Variants in NEK10 observed in about 807,000 individuals in gnomAD.
NEK10 encodes the protein NIMA related kinase 10.
Under a neutral mutation model 159.8 loss-of-function variants are expected in NEK10, and 122 were observed. That is an observed-to-expected ratio of 0.76 (90% CI 0.66 to 0.89). The LOEUF is 0.89. Among genes scored for constraint, NEK10 ranks in the 40% least tolerant of loss-of-function variants. The probability of loss-of-function intolerance (pLI) is 0.00; values close to 1 mark genes in which losing one functional copy is unlikely to be tolerated. For missense variants in NEK10, 1,342 were observed against 1,323.1 expected, an observed-to-expected ratio of 1.01 and a Z score of -0.22; for synonymous variants, 466 against 457.1, an observed-to-expected ratio of 1.02 and a Z score of -0.25.
chr3:27,118,476 T>C (rs1940816291), intron 33 of NEK10, among the ~76,000 whole-genome samples: 1 of 152,166 alleles, frequency 6.6e-6, no homozygotes, highest in Non-Finnish European at 1.5e-5. Context: ...CAAGAAGAGA[T>C]GTGAAAATGT....
intron 25 of NEK10, among the ~76,000 whole-genome samples, 200 bp downstream of exon 25, chr3:27,201,310 G>A (rs995797392): frequency 1.3e-5 from 2 of 152,154 alleles, no homozygotes; most frequent in Non-Finnish European, 2.9e-5. Flanking sequence ...TGCATAATAA[G>A]TGAACGCTCT....
intron 22 of NEK10, among the ~76,000 whole-genome samples, chr3:27,277,022 G>A (rs1453695835): frequency 6.6e-6 from 1 of 152,194 alleles, no homozygotes; most frequent in Non-Finnish European, 1.5e-5. Context: ...GGCTAATGGA[G>A]ACCTTCTTTG....
chr3:27,121,035 TTAATAA>T (rs1007650925), intron 32 of NEK10, among the ~76,000 whole-genome samples: 1 of 152,206 alleles, frequency 6.6e-6, no homozygotes, highest in Non-Finnish European at 1.5e-5. Context: ...ACACTACATT[TTAATAA>T]TATATGCCTA....
chr3:27,295,318 T>C (rs2043280718), intron 15 of NEK10, among the ~76,000 whole-genome samples: 1 of 152,194 alleles, frequency 6.6e-6, no homozygotes, highest in South Asian at 2.1e-4. Context: ...CCTGTTGTTA[T>C]ATTCTGATAC....
chr3:27,325,361 C>G (rs566941352), intron 5 of NEK10, among the ~76,000 whole-genome samples: 9 of 152,338 alleles, frequency 5.9e-5, no homozygotes, highest in African/African-American at 1.9e-4. Context: ...CACAGCTGAG[C>G]TGATTGTGTA....
chr3:27,132,041 A>G, intron 31 of NEK10, 51 bp from the exon 32 acceptor site: 1 of 1,017,410 alleles, frequency 9.8e-7, no homozygotes, highest in Non-Finnish European at 1.5e-6. Flanking sequence ...AACACTACAC[A>G]GCTGACTACA....
At chr3:27,230,248 G>T (rs1253780027) in intron 23 of NEK10, among the ~76,000 whole-genome samples, 1 of 152,018 alleles carries the variant, frequency 6.6e-6, no homozygotes, top group Non-Finnish European at 1.5e-5. Flanking sequence ...TTTCAGCCAA[G>T]ATTTGTATAG....
intron 30 of NEK10, among the ~76,000 whole-genome samples, chr3:27,154,712 A>T (rs2148767840): frequency 6.6e-6 from 1 of 152,350 alleles, no homozygotes; most frequent in East Asian, 1.9e-4. Context: ...GATCATCACA[A>T]TATATGCAGA....
At chr3:27,268,671 A>T (rs1282166989) in intron 22 of NEK10, among the ~76,000 whole-genome samples, 1 of 152,160 alleles carries the variant, frequency 6.6e-6, no homozygotes, top group Non-Finnish European at 1.5e-5. Flanking sequence ...ACACCTCATC[A>T]CTCAAGAGCT....
At chr3:27,208,559 A>G (rs567363295) in intron 23 of NEK10, among the ~76,000 whole-genome samples, 1 of 152,292 alleles carries the variant, frequency 6.6e-6, no homozygotes, top group South Asian at 2.1e-4. Flanking sequence ...AGAAGATGAA[A>G]GCCACAGGAC....
intron 22 of NEK10, among the ~76,000 whole-genome samples, chr3:27,284,385 C>T (rs1015824498): frequency 2.6e-5 from 4 of 151,054 alleles, no homozygotes; most frequent in East Asian, 3.9e-4. Context: ...GACTCTGTCT[C>T]GAAGAAAAAA....
chr3:27,193,741 A>T (rs1005920987), intron 25 of NEK10, among the ~76,000 whole-genome samples: 3 of 151,504 alleles, frequency 2.0e-5, no homozygotes, highest in African/African-American at 4.9e-5. Context: ...CTGCCTTCAG[A>T]CAGATATCCT....
intron 1 of NEK10, among the ~76,000 whole-genome samples, chr3:27,362,423 A>C (rs945756614): frequency 2.0e-5 from 3 of 152,112 alleles, no homozygotes; most frequent in Admixed American, 2.0e-4. Flanking sequence ...GCTTATTATC[A>C]CATTCCATTA....
At chr3:27,280,732 C>T (rs965742847) in intron 22 of NEK10, among the ~76,000 whole-genome samples, 1 of 152,150 alleles carries the variant, frequency 6.6e-6, no homozygotes, top group African/African-American at 2.4e-5. Context: ...CTTCTGACAG[C>T]CTTTTTCATG....
At position 27,171,885 on chromosome 3, in the gene NEK10, A is replaced by G; in HGVS notation, c.2777-12T>C. 3 of 1,609,868 alleles carry G rather than the reference A, an allele frequency of 1.9e-6. No individual in the cohort carries two copies. Among genetic ancestry groups the G allele is most frequent in the Non-Finnish European group, 2.5e-6 (3 of 1,177,756 alleles). ...TCTCTTTAAAATGTCTGAGACGAGA[A>G]AATAGAAATAACTTTACATTATTTC... On this transcript the variant is annotated splice_polypyrimidine_tract_variant and intron_variant, in intron 28 of 35. Transcript: ENST00000691995.
At chr3:27,325,353 C>G (rs1267361275) in intron 5 of NEK10, among the ~76,000 whole-genome samples, 1 of 152,226 alleles carries the variant, frequency 6.6e-6, no homozygotes, top group Non-Finnish European at 1.5e-5. Context: ...CCCACCTCCA[C>G]AGCTGAGCTG....
chr3:27,333,295 T>C (rs183550447), intron 5 of NEK10, among the ~76,000 whole-genome samples: 69 of 152,040 alleles, frequency 4.5e-4, no homozygotes, highest in Admixed American at 4.5e-3. Context: ...CCTGTAATCC[T>C]AGCACTTTGG....
intron 20 of NEK10, among the ~76,000 whole-genome samples, chr3:27,285,746 G>A (rs2042544954): frequency 6.6e-6 from 1 of 152,098 alleles, no homozygotes; most frequent in African/African-American, 2.4e-5. Flanking sequence ...CAAAATATGT[G>A]TGTAGAAAAT....
chr3:27,253,005 T>C (rs901632943), intron 23 of NEK10: 1 of 409,028 alleles, frequency 2.4e-6, no homozygotes, highest in Non-Finnish European at 4.8e-6. Context: ...ACTTTATGTA[T>C]CAAAAAAATA....
Sources: allele counts gnomAD v4.1 joint callset (sites outside exome capture counted in the v4.1 genomes callset), GRCh38; gene constraint gnomAD v4.1.1; transcripts MANE v1.5; gene names NCBI Gene and HGNC (gene_info 2026-07-23, HGNC 2026-07-21).